The following BLZF1 variants were observed in gnomAD, a reference collection of about 807,000 sequenced individuals.
BLZF1 encodes the protein golgin-45.
Under a neutral mutation model 43.8 loss-of-function variants are expected in BLZF1, and 39 were observed. The ratio of observed to expected loss-of-function variants is 0.89; its 90% CI spans 0.69 to 1.16. The LOEUF (loss-of-function observed/expected upper bound fraction) is 1.16, where lower values mean the gene tolerates loss of function less well. BLZF1 is among the 50% of genes most tolerant of loss of function. The pLI, the probability that BLZF1 is intolerant of heterozygous loss-of-function variation, is 0.00. For synonymous variants in BLZF1, 136 were observed against 159.4 expected (o/e 0.85, Z 1.11); for missense variants, 449 against 469.8 (o/e 0.96, Z 0.41).
chr1:169,382,994 T>G (rs1313932432), intron 6 of BLZF1, among the ~76,000 whole-genome samples: 1 of 152,066 alleles, frequency 6.6e-6, no homozygotes, highest in Admixed American at 6.5e-5. Context: ...TTTTTATGTA[T>G]CTCATCAGCT....
chr1:169,392,808 AT>A (rs1170139738), downstream of BLZF1, among the ~76,000 whole-genome samples: 1 of 152,214 alleles, frequency 6.6e-6, no homozygotes, highest in Non-Finnish European at 1.5e-5. Flanking sequence ...AAGCCCCTCC[AT>A]AAAAACCCAA....
intron 6 of BLZF1, among the ~76,000 whole-genome samples, chr1:169,382,628 C>A (rs1256543583): frequency 6.6e-6 from 1 of 152,168 alleles, no homozygotes; most frequent in African/African-American, 2.4e-5. Flanking sequence ...TAGATTACTT[C>A]TGATCTAAGA....
At position 169,387,414 on chromosome 1, in the gene BLZF1, C is replaced by CAAAGTATTCTAA; in HGVS notation, c.*234_*235insAGTATTCTAAAA. The CAAAGTATTCTAA allele has an allele frequency of 2.8e-6, 1 of 355,264 alleles. No individual in the cohort carries two copies. Among genetic ancestry groups the CAAAGTATTCTAA allele is most frequent in the East Asian group, 5.1e-5 (1 of 19,642 alleles). The allele number at this position is 355,264 out of a possible 1,614,324, so 22.0% of individuals were successfully genotyped here. On this transcript the variant is annotated 3_prime_UTR_variant, in exon 7 of 7. Transcript: ENST00000367808. ...TATATTTAAAATAGAGAATACTTTC[C>CAAAGTATTCTAA]AAGCAATACATGATACTTTTCCTAA...
downstream of BLZF1, among the ~76,000 whole-genome samples, chr1:169,388,792 C>T (rs921710177): frequency 1.3e-5 from 2 of 151,770 alleles, no homozygotes; most frequent in African/African-American, 2.4e-5. Context: ...CAAGACCAGC[C>T]GAGCCAAGAT....
downstream of BLZF1, among the ~76,000 whole-genome samples, chr1:169,391,266 C>G (rs1372483345): frequency 6.6e-6 from 1 of 152,230 alleles, no homozygotes; most frequent in Non-Finnish European, 1.5e-5. Context: ...TCAGTTAACT[C>G]ACCCTTTGAG....
chr1:169,395,033 T>A, intron 7 of BLZF1: 1 of 1,576,298 alleles, frequency 6.3e-7, no homozygotes, highest in South Asian at 1.2e-5. Flanking sequence ...CACTGAAATA[T>A]TTAATAGAAA....
At chr1:169,380,066 C>G (rs994454989) in intron 4 of BLZF1, among the ~76,000 whole-genome samples, 1 of 151,570 alleles carries the variant, frequency 6.6e-6, no homozygotes, top group Non-Finnish European at 1.5e-5. Context: ...TTATATAAAT[C>G]TTTTTATATT....
At chr1:169,384,330 A>T (rs972391816) in intron 6 of BLZF1, among the ~76,000 whole-genome samples, 2 of 152,026 alleles carry the variant, frequency 1.3e-5, no homozygotes, top group Non-Finnish European at 2.9e-5. Flanking sequence ...TCCCAAGTTC[A>T]AACACCTGAC....
At position 169,370,313 on chromosome 1, in the gene BLZF1, G is replaced by A. The variant is rs1192430376; in HGVS notation, c.28+763G>A. ...GAAGTCTCATTCTGAGGTAGTGGGG[G>A]GTTAGTACTTCAACAAATAAAGATT... On this transcript the variant is annotated intron_variant, in intron 2 of 6. Transcript: ENST00000367808. Among the ~76,000 whole-genome samples, 4 of 152,110 alleles carry A rather than the reference G, an allele frequency of 2.6e-5. No homozygotes were observed. The South Asian group carries it at 8.3e-4, about 32-fold the overall frequency.
chr1:169,380,538 T>C lies in BLZF1; in HGVS notation c.726T>C (p.Asp242=). Residue 242 remains aspartate, a synonymous_variant, in exon 5 of 7, where the codon GAT becomes GAC. Coordinates refer to ENST00000367808, the MANE Select transcript of BLZF1 (RefSeq NM_001320973.2). ...CAGCTTTACAGCGTCAAAACCGTGA[T>C]GCACACGGGGCTATACAAGATCTCC... The part of the protein sequence containing the change: ...SRAALQRQNR[D]AHGAIQDLLS... 1 of 1,612,886 alleles carries C rather than the reference T, an allele frequency of 6.2e-7. No homozygotes were observed. Among genetic ancestry groups the C allele is most frequent in the Non-Finnish European group, 8.5e-7 (1 of 1,179,094 alleles).
At chr1:169,386,359 T>C (rs911145796) in intron 6 of BLZF1, among the ~76,000 whole-genome samples, 2 of 151,922 alleles carry the variant, frequency 1.3e-5, no homozygotes, top group South Asian at 4.1e-4. Context: ...AGAGGGGAAG[T>C]AGTAAGTCCA....
At chr1:169,394,188 A>G (rs2102027838) in intron 7 of BLZF1, among the ~76,000 whole-genome samples, 1 of 152,344 alleles carries the variant, frequency 6.6e-6, no homozygotes, top group Non-Finnish European at 1.5e-5. Context: ...GAACGACACT[A>G]ATAGGGTTGT....
At chr1:169,395,253 C>A (rs1389312489) in intron 7 of BLZF1, 10 of 1,506,150 alleles carry the variant, frequency 6.6e-6, no homozygotes, top group Non-Finnish European at 8.1e-6. Flanking sequence ...AACCTGAATA[C>A]ACTCTTCATG....
intron 6 of BLZF1, among the ~76,000 whole-genome samples, chr1:169,384,986 CA>C (rs1293411654): frequency 6.6e-6 from 1 of 152,106 alleles, no homozygotes; most frequent in East Asian, 1.9e-4. Flanking sequence ...CATTTTTATC[CA>C]AAATTTTGTT....
chr1:169,395,605 A>C (rs1012367679), intron 7 of BLZF1, among the ~76,000 whole-genome samples: 1 of 152,224 alleles, frequency 6.6e-6, no homozygotes, highest in Non-Finnish European at 1.5e-5. Flanking sequence ...TAAGAATACT[A>C]TCATGCAGAA....
At chr1:169,376,440 T>C in intron 2 of BLZF1, 100 bp from the exon 3 acceptor site, 1 of 1,005,092 alleles carries the variant, frequency 9.9e-7, no homozygotes, top group Non-Finnish European at 1.4e-6. Flanking sequence ...TTGCATTCTT[T>C]TTAGTGCCAG....
intron 2 of BLZF1, among the ~76,000 whole-genome samples, chr1:169,373,711 A>G (rs1368480531): frequency 3.9e-5 from 6 of 152,218 alleles, no homozygotes; most frequent in Non-Finnish European, 7.3e-5. Flanking sequence ...ATTTTCCAAC[A>G]AGGTATTTTG....
chr1:169,387,225 C>T lies in BLZF1; in HGVS notation c.*43C>T, dbSNP rs757591575. 1 of 1,543,684 alleles carries T rather than the reference C, an allele frequency of 6.5e-7. No individual in the cohort carries two copies. Among genetic ancestry groups the T allele is most frequent in the Middle Eastern group, 1.7e-4 (1 of 5,878 alleles). On this transcript the variant is annotated 3_prime_UTR_variant, in exon 7 of 7. Coordinates refer to ENST00000367808, the MANE Select transcript of BLZF1 (RefSeq NM_001320973.2). ...GCATGCTAAGGTACTTCCTTATTAC[C>T]CAAGAGTCATTATTATTTGGGAGCT...
chr1:169,377,713 AGT>A (rs1654403335), intron 3 of BLZF1, among the ~76,000 whole-genome samples: 1 of 152,042 alleles, frequency 6.6e-6, no homozygotes, highest in Admixed American at 6.6e-5. Context: ...GAGTTCATTT[AGT>A]GTCACAACCC....
Sources: allele counts gnomAD v4.1 joint callset (sites outside exome capture counted in the v4.1 genomes callset), GRCh38; gene constraint gnomAD v4.1.1; transcripts MANE v1.5; gene names NCBI Gene and HGNC (gene_info 2026-07-23, HGNC 2026-07-21).